Variants in MYO9B observed in about 807,000 individuals in gnomAD.
MYO9B encodes the protein myosin IXB, also known as unconventional myosin-IXb.
MYO9B carries 71 observed loss-of-function variants against 229.5 expected under a neutral mutation model. The observed-to-expected ratio is 0.31, with a 90% CI of 0.26 to 0.38. The LOEUF is 0.38. Among genes scored for constraint, MYO9B ranks in the 10% least tolerant of loss-of-function variants. The pLI, the probability that MYO9B is intolerant of heterozygous loss-of-function variation, is 1.00. For missense variants in MYO9B, 2,255 were observed against 2,920.5 expected, an observed-to-expected ratio of 0.77 and a Z score of 5.25; for synonymous variants, 1,185 against 1,235.8, an observed-to-expected ratio of 0.96 and a Z score of 0.86.
intron 1 of MYO9B, among the ~76,000 whole-genome samples, chr19:17,087,075 G>A (rs1040860366): frequency 6.6e-6 from 1 of 152,070 alleles, no homozygotes; most frequent in East Asian, 1.9e-4. Context: ...TCTCTCTCCT[G>A]TGCCCAGCAT....
chr19:17,209,840 G>A (rs1295807742), intron 36 of MYO9B, 131 bp downstream of exon 36: 3 of 1,228,012 alleles, frequency 2.4e-6, no homozygotes, highest in Non-Finnish European at 3.3e-6. Context: ...GCCTTGGGTG[G>A]GCAGGACCTC....
At chr19:17,122,136 C>T (rs1325411499) in intron 2 of MYO9B, among the ~76,000 whole-genome samples, 1 of 152,228 alleles carries the variant, frequency 6.6e-6, no homozygotes, top group African/African-American at 2.4e-5. Context: ...CCCCTCTCAG[C>T]TTAGCCTAAG....
At position 17,210,846 on chromosome 19, in the gene MYO9B, G is replaced by A. The variant is rs1270032030; in HGVS notation, c.5928G>A (p.Glu1976=). ...AACGGATCCAGTCCATCAAGGAGGAGAAGCAAGTGGCTCAGTCCCCTCCCT... is the reference window on the plus strand; with the variant it reads ...AACGGATCCAGTCCATCAAGGAGGAAAAGCAAGTGGCTCAGTCCCCTCCCT... ...LIERIQSIKE[E]KEDITYRLPE... is the part of the protein sequence containing the mutation. Residue 1976 remains glutamate, a splice_region_variant and synonymous_variant, in exon 38 of 40, where the codon GAG becomes GAA. Transcript: ENST00000682292. 1.3e-6 allele frequency: 2 copies of A among 1,598,232 alleles called. No homozygotes were observed. The highest frequency in any genetic ancestry group is 1.3e-5 in the African/African-American group (1 of 74,702).
chr19:17,146,369 G>A (rs1329692595), intron 3 of MYO9B, among the ~76,000 whole-genome samples: 1 of 150,978 alleles, frequency 6.6e-6, no homozygotes, highest in Non-Finnish European at 1.5e-5. Flanking sequence ...ATGAATGGGT[G>A]GATGGATAGA....
At chr19:17,206,839 G>GGT in intron 34 of MYO9B, 55 bp downstream of exon 34, 1 of 1,433,438 alleles carries the variant, frequency 7.0e-7, no homozygotes, top group Admixed American at 2.0e-5. Flanking sequence ...GGGAACCCGC[G>GGT]AGGCAGCATT....
At chr19:17,205,615 C>T (rs2145506276) in intron 31 of MYO9B, among the ~76,000 whole-genome samples, 1 of 152,276 alleles carries the variant, frequency 6.6e-6, no homozygotes, top group African/African-American at 2.4e-5. Flanking sequence ...GGAGGCCCCC[C>T]AACTCTGTGC....
intron 11 of MYO9B, 26 bp downstream of exon 11, chr19:17,168,090 C>T (rs754719953): frequency 1.2e-5 from 20 of 1,609,716 alleles, no homozygotes; most frequent in Admixed American, 8.4e-5. Context: ...CCGTCCATCC[C>T]GGCACATCTA....
intron 2 of MYO9B, among the ~76,000 whole-genome samples, chr19:17,126,999 T>G (rs887416039): frequency 1.4e-5 from 2 of 139,176 alleles, no homozygotes; most frequent in African/African-American, 5.5e-5. Flanking sequence ...TTTGACATTT[T>G]TTCTCCCCTA....
chr19:17,165,269 G>A (rs147674774), intron 10 of MYO9B, among the ~76,000 whole-genome samples: 11 of 151,846 alleles, frequency 7.2e-5, no homozygotes, highest in Admixed American at 5.9e-4. Context: ...GCTGAGGTGG[G>A]AGGATCCCTT....
At chr19:17,140,439 C>G (rs1043013924) in intron 2 of MYO9B, among the ~76,000 whole-genome samples, 3 of 151,970 alleles carry the variant, frequency 2.0e-5, no homozygotes, top group African/African-American at 7.2e-5. Flanking sequence ...TGTAAGTGAC[C>G]TCATCACCTC....
intron 15 of MYO9B, among the ~76,000 whole-genome samples, chr19:17,181,437 T>A (rs909473509): frequency 2.0e-5 from 3 of 152,108 alleles, no homozygotes; most frequent in African/African-American, 7.2e-5. Flanking sequence ...CCAGAGAGGG[T>A]GGCCCTGATC....
chr19:17,103,548 C>G (rs1473751704), intron 2 of MYO9B: 1 of 152,414 alleles, frequency 6.6e-6, no homozygotes, highest in Non-Finnish European at 1.5e-5. Context: ...TTGTCAGGTG[C>G]CAGGGCCTGG....
intron 7 of MYO9B, 113 bp from the exon 8 acceptor site, chr19:17,159,282 G>A (rs948411425): frequency 9.9e-6 from 9 of 908,462 alleles, no homozygotes; most frequent in Non-Finnish European, 1.4e-5. Flanking sequence ...TGGCTGCTGG[G>A]GGTCCGTCTC....
Position 17,181,108 on chromosome 19 carries a change from C to T in MYO9B, c.2333+68C>T, listed in dbSNP as rs192815120. 4.0e-4 allele frequency: 451 copies of T among 1,141,070 alleles called. 1 individual carries two copies. The African/African-American group carries it at 6.3e-3, about 16-fold the overall frequency. 70.7% of individuals were successfully genotyped at this position (1,141,070 alleles called of 1,614,324 possible). A position where few individuals can be genotyped will look rare whatever the true frequency, so the allele number is the denominator to read the frequency against. On this transcript the variant is annotated intron_variant, in intron 15 of 39. Transcript: ENST00000682292. ...CCTCCCACTACTCCTGCGACCCCGG[C>T]GGGGCCTGCAGTCTTCCTAATTTGC... is the stretch of plus-strand genomic sequence containing the variant.
At chr19:17,197,890 C>A in intron 23 of MYO9B, 32 bp downstream of exon 23, 1 of 1,609,420 alleles carries the variant, frequency 6.2e-7, no homozygotes, top group Non-Finnish European at 8.5e-7. Flanking sequence ...CCCGTCTCCA[C>A]TAAAAATACA....
Position 17,210,714 on chromosome 19 carries a change from G to C in MYO9B, c.5797-1G>C. The C allele has an allele frequency of 6.5e-7, 1 of 1,541,210 alleles. No individual in the cohort carries two copies. Among genetic ancestry groups the C allele is most frequent in the Non-Finnish European group, 8.8e-7 (1 of 1,142,850 alleles). Reference sequence around the variant, plus strand: ...TGGGACCCCTTGCTTCTTTGTTTCAGAACAAGAGCCCCAAGACCCGGGACA... The same window carrying C: ...TGGGACCCCTTGCTTCTTTGTTTCACAACAAGAGCCCCAAGACCCGGGACA... On this transcript the variant is annotated splice_acceptor_variant, in intron 37 of 39. Coordinates refer to ENST00000682292, the MANE Select transcript of MYO9B (RefSeq NM_004145.4). LOFTEE classifies it high-confidence loss of function.
intron 2 of MYO9B, among the ~76,000 whole-genome samples, chr19:17,130,056 G>A (rs576441400): frequency 1.3e-5 from 2 of 151,988 alleles, no homozygotes; most frequent in South Asian, 4.2e-4. Flanking sequence ...ATGGCCTCAA[G>A]CGATCCTCCT....
At chr19:17,205,910 G>A (rs754946069) in intron 31 of MYO9B, 50 bp from the exon 32 acceptor site, 1 of 1,503,118 alleles carries the variant, frequency 6.7e-7, no homozygotes, top group Non-Finnish European at 8.9e-7. Context: ...GAGACAGCTG[G>A]AGAGGAAGAC....
chr19:17,100,070 C>T (rs1218899574), intron 1 of MYO9B, among the ~76,000 whole-genome samples: 1 of 150,028 alleles, frequency 6.7e-6, no homozygotes, highest in Admixed American at 6.7e-5. Context: ...TGCAGTGAGC[C>T]GACATCATGC....
Sources: allele counts gnomAD v4.1 joint callset (sites outside exome capture counted in the v4.1 genomes callset), GRCh38; gene constraint gnomAD v4.1.1; transcripts MANE v1.5; gene names NCBI Gene and HGNC (gene_info 2026-07-23, HGNC 2026-07-21).